The following PPFIBP1 variants were observed in gnomAD, a reference collection of about 807,000 sequenced individuals.
PPFIBP1 encodes the protein liprin-beta-1.
A neutral mutation model predicts 137.8 loss-of-function variants in PPFIBP1; 112 were observed. That is an observed-to-expected ratio of 0.81 (90% CI 0.70 to 0.95). The LOEUF is 0.95. PPFIBP1 is among the 40% of genes least tolerant of loss of function. The pLI, the probability that PPFIBP1 is intolerant of heterozygous loss-of-function variation, is 0.00. For missense variants in PPFIBP1, 1,083 were observed against 1,196.6 expected (o/e 0.91, Z 1.40); for synonymous variants, 378 against 417.3 (o/e 0.91, Z 1.15).
intron 1 of PPFIBP1, among the ~76,000 whole-genome samples, chr12:27,543,126 A>T (rs1035656322): frequency 6.7e-6 from 1 of 149,722 alleles, no homozygotes; most frequent in Non-Finnish European, 1.5e-5. Context: ...TCAACCACAT[A>T]AAAAAAACTC....
chr12:27,585,736 A>G (rs568811999), intron 2 of PPFIBP1, among the ~76,000 whole-genome samples: 10 of 152,310 alleles, frequency 6.6e-5, no homozygotes, highest in African/African-American at 2.2e-4. Context: ...GCTCTGTTCT[A>G]CGGAGGAGCT....
chr12:27,689,480 G>A (rs1053351949), intron 27 of PPFIBP1, among the ~76,000 whole-genome samples: 1 of 152,218 alleles, frequency 6.6e-6, no homozygotes, highest in South Asian at 2.1e-4. Context: ...GATCCTGCAG[G>A]GAAAACAGCA....
intron 1 of PPFIBP1, among the ~76,000 whole-genome samples, chr12:27,556,430 C>T (rs954357507): frequency 6.6e-6 from 1 of 152,046 alleles, no homozygotes; most frequent in Admixed American, 6.5e-5. Context: ...ATGGTAATAC[C>T]CAGAAAATGT....
At chr12:27,547,175 G>A (rs1946316048) in intron 1 of PPFIBP1, 2 of 152,172 alleles carry the variant, frequency 1.3e-5, no homozygotes, top group Admixed American at 1.3e-4. Flanking sequence ...GATGGTTAAG[G>A]TTGGGAACCC....
chr12:27,530,219 G>A (rs1429561155), intron 1 of PPFIBP1, among the ~76,000 whole-genome samples: 1 of 152,186 alleles, frequency 6.6e-6, no homozygotes, highest in African/African-American at 2.4e-5. Flanking sequence ...ATTGGAATTT[G>A]AATACATCTA....
intron 1 of PPFIBP1, among the ~76,000 whole-genome samples, chr12:27,551,913 C>G (rs1946825234): frequency 1.3e-5 from 2 of 152,170 alleles, no homozygotes; most frequent in South Asian, 4.1e-4. Context: ...TATTAGAAGA[C>G]ACCGAAAGAG....
At position 27,524,216 on chromosome 12, in the gene PPFIBP1, C is replaced by G. The variant is rs904187351; in HGVS notation, c.-273C>G. 6.6e-6 allele frequency: 1 copy of G among 152,494 alleles called. No homozygotes were observed. Among genetic ancestry groups the G allele is most frequent in the Non-Finnish European group, 1.5e-5 (1 of 68,264 alleles). 9.4% of individuals were successfully genotyped at this position (152,494 alleles called of 1,614,324 possible). On this transcript the variant is annotated 5_prime_UTR_variant, in exon 1 of 30. Coordinates refer to ENST00000228425, the MANE Select transcript of PPFIBP1 (RefSeq NM_003622.4). ...GCTCGGTGCCTGCCCGGATTCCTGA[C>G]ATGGTGTAGTGCAGGCAGGGTGGGG...
intron 1 of PPFIBP1, among the ~76,000 whole-genome samples, chr12:27,551,754 G>A (rs972234085): frequency 6.6e-6 from 1 of 152,110 alleles, no homozygotes; most frequent in Non-Finnish European, 1.5e-5. Flanking sequence ...CAGAATTAAT[G>A]ATTTTTATTT....
chr12:27,562,529 G>T (rs1198472076), intron 1 of PPFIBP1, among the ~76,000 whole-genome samples: 1 of 152,088 alleles, frequency 6.6e-6, no homozygotes, highest in Admixed American at 6.6e-5. Flanking sequence ...ATGTTAGTTG[G>T]CCATGATTTT....
intron 2 of PPFIBP1, chr12:27,593,803 T>C: frequency 9.0e-7 from 1 of 1,107,764 alleles, no homozygotes; most frequent in South Asian, 1.9e-5. Context: ...AACTGTCTGG[T>C]TCGTCCTGAA....
chr12:27,526,450 A>C (rs1463460750), intron 1 of PPFIBP1, among the ~76,000 whole-genome samples: 4 of 151,528 alleles, frequency 2.6e-5, no homozygotes. Context: ...CGGAATACTT[A>C]AAAGATGTTT....
intron 4 of PPFIBP1, among the ~76,000 whole-genome samples, chr12:27,641,725 C>T (rs1455631179): frequency 6.6e-6 from 1 of 152,096 alleles, no homozygotes; most frequent in African/African-American, 2.4e-5. Context: ...ACTGAGCTCA[C>T]ACCCGACCAA....
At chr12:27,554,840 G>GGA (rs1275155566) in intron 1 of PPFIBP1, among the ~76,000 whole-genome samples, 1 of 152,112 alleles carries the variant, frequency 6.6e-6, no homozygotes, top group African/African-American at 2.4e-5. Flanking sequence ...GTTGGGGTGT[G>GGA]GAGATCGTGC....
At chr12:27,662,826 G>C (rs867708191) in intron 11 of PPFIBP1, among the ~76,000 whole-genome samples, 11 of 152,350 alleles carry the variant, frequency 7.2e-5, no homozygotes, top group Middle Eastern at 3.4e-3. Context: ...GATTAGTGGG[G>C]AGTGAGACCC....
intron 8 of PPFIBP1, 76 bp downstream of exon 8, chr12:27,654,890 A>G (rs1361162097): frequency 6.0e-6 from 9 of 1,492,500 alleles, no homozygotes; most frequent in Non-Finnish European, 7.1e-6. Flanking sequence ...TATAAATAAG[A>G]TGTTTTCTAC....
intron 24 of PPFIBP1, 48 bp downstream of exon 24, chr12:27,682,751 T>C (rs761276471): frequency 6.2e-7 from 1 of 1,612,232 alleles, no homozygotes. Context: ...TTTTTTTCTC[T>C]GAAAAACACA....
In PPFIBP1 at chr12:27,553,259, C is replaced by T. The variant is rs1592414315; in HGVS notation, c.-123-24893C>T. Among the ~76,000 whole-genome samples, 3 of 152,240 alleles carry T rather than the reference C, an allele frequency of 2.0e-5. 1 individual carries two copies. Among genetic ancestry groups the T allele is most frequent in the African/African-American group, 7.2e-5 (3 of 41,550 alleles). ...GTGAAACTACAAGTCTGATCTCTCC[C>T]CAGGCCCTCAACAATGCCACCACTG... On this transcript the variant is annotated intron_variant, in intron 1 of 29. Transcript: ENST00000228425.
chr12:27,613,400 T>C (rs1486519843), intron 2 of PPFIBP1, among the ~76,000 whole-genome samples: 4 of 152,192 alleles, frequency 2.6e-5, no homozygotes, highest in Admixed American at 1.3e-4. Context: ...GATGTAAGGA[T>C]GTTTTAAAAA....
At chr12:27,664,302 G>T in intron 11 of PPFIBP1, 60 bp from the exon 12 acceptor site, 1 of 1,083,666 alleles carries the variant, frequency 9.2e-7, no homozygotes. Flanking sequence ...ATTCTTTATG[G>T]AATTACTATT....
Sources: allele counts gnomAD v4.1 joint callset (sites outside exome capture counted in the v4.1 genomes callset), GRCh38; gene constraint gnomAD v4.1.1; transcripts MANE v1.5; gene names NCBI Gene and HGNC (gene_info 2026-07-23, HGNC 2026-07-21).